Variants in TMX4 observed in about 807,000 individuals in gnomAD.
The protein encoded by TMX4 is thioredoxin-related transmembrane protein 4.
TMX4 carries 23 observed loss-of-function variants against 33.3 expected under a neutral mutation model. The ratio of observed to expected loss-of-function variants is 0.69; its 90% confidence interval spans 0.50 to 0.98. The LOEUF is 0.98. Among genes scored for constraint, TMX4 ranks in the 50% least tolerant of loss-of-function variants. The probability of loss-of-function intolerance (pLI) is 0.00; values close to 1 mark genes in which losing one functional copy is unlikely to be tolerated. For synonymous variants in TMX4, 164 were observed against 161.5 expected, an observed-to-expected ratio of 1.02 and a Z score of -0.12; for missense variants, 399 against 448.9, an observed-to-expected ratio of 0.89 and a Z score of 1.01.
intron 2 of TMX4, among the ~76,000 whole-genome samples, chr20:8,005,783 G>T (rs528030038): frequency 6.6e-6 from 1 of 152,120 alleles, no homozygotes; most frequent in Non-Finnish European, 1.5e-5. Flanking sequence ...CAGAACAACG[G>T]AAAGTTTGGC....
Position 7,981,980 on chromosome 20 carries a change from C to A in TMX4, c.*271G>T. On this transcript the variant is annotated 3_prime_UTR_variant, in exon 8 of 8. Transcript: ENST00000246024. ...TGGGAATGGCCTCCTCTGGTCGAGA[C>A]TCTCTGACCCCTAAGTAAATGAACT... 2.6e-6 allele frequency: 1 copy of A among 378,218 alleles called. No homozygotes were observed. Among genetic ancestry groups the A allele is most frequent in the South Asian group, 4.1e-5 (1 of 24,458 alleles). The allele number at this position is 378,218 out of a possible 1,614,324, so 23.4% of individuals were successfully genotyped here. A position where few individuals can be genotyped will look rare whatever the true frequency, so the allele number is the denominator to read the frequency against.
At chr20:8,007,858 T>C (rs1490299526) in intron 2 of TMX4, among the ~76,000 whole-genome samples, 1 of 152,226 alleles carries the variant, frequency 6.6e-6, no homozygotes, top group Non-Finnish European at 1.5e-5. Flanking sequence ...ATTTTGTACA[T>C]TTTTATCCTA....
chr20:7,996,516 C>G (rs2050677156), intron 4 of TMX4, among the ~76,000 whole-genome samples: 1 of 152,152 alleles, frequency 6.6e-6, no homozygotes, highest in African/African-American at 2.4e-5. Flanking sequence ...ACAAGCACTC[C>G]TCATATGTCA....
At chr20:7,989,003 G>A (rs1429200821) in intron 5 of TMX4, among the ~76,000 whole-genome samples, 1 of 151,262 alleles carries the variant, frequency 6.6e-6, no homozygotes, top group Admixed American at 6.6e-5. Flanking sequence ...CTGGGTGACA[G>A]GGCAAGACTC....
chr20:7,997,048 C>T (rs1330574875), intron 4 of TMX4, among the ~76,000 whole-genome samples: 2 of 152,132 alleles, frequency 1.3e-5, no homozygotes, highest in African/African-American at 4.8e-5. Flanking sequence ...AGACTACGCC[C>T]TTCTTCTTGA....
At chr20:8,008,917 C>T (rs910823434) in intron 2 of TMX4, among the ~76,000 whole-genome samples, 3 of 152,148 alleles carry the variant, frequency 2.0e-5, no homozygotes, top group Non-Finnish European at 4.4e-5. Context: ...AGAAATCTCG[C>T]TCCACGGGTT....
At chr20:8,007,749 A>G (rs1343689755) in intron 2 of TMX4, among the ~76,000 whole-genome samples, 1 of 152,172 alleles carries the variant, frequency 6.6e-6, no homozygotes, top group African/African-American at 2.4e-5. Context: ...TTACTTCCTC[A>G]ATTTATCAAG....
rs2050595821 is a variant in TMX4, at chr20:7,979,526, G to A, written c.*2725C>T. ...AGGCTGAGGCGGGCGGATCACCTGA[G>A]GTCAGGAGTTCAAGACCAGTCTGAC... On this transcript the variant is annotated 3_prime_UTR_variant, in exon 8 of 8. Transcript: ENST00000246024. 1.3e-5 allele frequency: 2 copies of A among 151,796 alleles called. No individual in the cohort carries two copies. The highest frequency in any genetic ancestry group is 4.8e-5 in the African/African-American group (2 of 41,318). 9.4% of individuals were successfully genotyped at this position (151,796 alleles called of 1,614,324 possible).
Position 7,979,796 on chromosome 20 carries a change from T to C in TMX4, c.*2455A>G, listed in dbSNP as rs1184192696. On this transcript the variant is annotated 3_prime_UTR_variant, in exon 8 of 8. Coordinates refer to ENST00000246024, the MANE Select transcript of TMX4 (RefSeq NM_021156.4). ...ATTATATAATTAGATATAGGTCAAA[T>C]ATCCCTTATCCAAAATGTGTGGGAC... is the stretch of plus-strand genomic sequence containing the variant. The C allele has an allele frequency of 6.6e-6, 1 of 151,282 alleles. No homozygotes were observed. Among genetic ancestry groups the C allele is most frequent in the African/African-American group, 2.4e-5 (1 of 41,088 alleles). The allele number at this position is 151,282 out of a possible 1,614,324, so 9.4% of individuals were successfully genotyped here.
rs1226671881 is a variant in TMX4 at position 7,982,078 on chromosome 20, A to G, written c.*173T>C. 1 of 644,008 alleles carries G rather than the reference A, an allele frequency of 1.6e-6. No homozygotes were observed. Among genetic ancestry groups the G allele is most frequent in the East Asian group, 2.8e-5 (1 of 36,208 alleles). 39.9% of individuals were successfully genotyped at this position (644,008 alleles called of 1,614,324 possible). ...TCTATATCCTGATTGTCACACCTGG[A>G]AGACTCTCCTTAGTATACATGAGGC... is the stretch of plus-strand genomic sequence containing the variant. On this transcript the variant is annotated 3_prime_UTR_variant, in exon 8 of 8. Transcript: ENST00000246024.
rs939131877 is a variant in TMX4, at chr20:7,981,976, G to A, written c.*275C>T. 2.0e-5 allele frequency: 7 copies of A among 352,610 alleles called. No individual in the cohort carries two copies. The highest frequency in any genetic ancestry group is 3.1e-5 in the Non-Finnish European group (6 of 194,388). The allele number at this position is 352,610 out of a possible 1,614,324, so 21.8% of individuals were successfully genotyped here. On this transcript the variant is annotated 3_prime_UTR_variant, in exon 8 of 8. Coordinates refer to ENST00000246024, the MANE Select transcript of TMX4 (RefSeq NM_021156.4). ...GGACTGGGAATGGCCTCCTCTGGTCGAGACTCTCTGACCCCTAAGTAAATG... is the reference window on the plus strand; with the variant it reads ...GGACTGGGAATGGCCTCCTCTGGTCAAGACTCTCTGACCCCTAAGTAAATG...
At chr20:7,992,384 A>G (rs1319585805) in intron 5 of TMX4, among the ~76,000 whole-genome samples, 1 of 152,218 alleles carries the variant, frequency 6.6e-6, no homozygotes, top group African/African-American at 2.4e-5. Flanking sequence ...GGTGAGCGCC[A>G]TCATGAGTGA....
At chr20:7,984,991 G>A (rs1434610434) in intron 6 of TMX4, among the ~76,000 whole-genome samples, 1 of 152,054 alleles carries the variant, frequency 6.6e-6, no homozygotes, top group East Asian at 1.9e-4. Flanking sequence ...TATTCTCTAT[G>A]TGGCTAAGAC....
Position 8,018,347 on chromosome 20 carries a change from AGG to A in TMX4, c.176+1089_176+1090del, listed in dbSNP as rs1173349789. Among the ~76,000 whole-genome samples the A allele has an allele frequency of 2.4e-3, 105 of 43,822 alleles. 4 individuals are homozygous for A. Among genetic ancestry groups the A allele is most frequent in the East Asian group, 0.02 (12 of 586 alleles). 28.7% of individuals were successfully genotyped at this position (43,822 alleles called of 152,430 possible). On this transcript the variant is annotated intron_variant, in intron 1 of 7. Coordinates refer to ENST00000246024, the MANE Select transcript of TMX4 (RefSeq NM_021156.4). The stretch of plus-strand genomic sequence containing the variant: ...ACAGAGAGAGAGAGAGAGAGAGAGG[AGG>A]GAGAGAGAGAGAGAGAGAGGAGAGA...
intron 2 of TMX4, among the ~76,000 whole-genome samples, chr20:8,006,662 C>A (rs2050731837): frequency 6.6e-6 from 1 of 152,082 alleles, no homozygotes; most frequent in African/African-American, 2.4e-5. Context: ...TTAAGACAAT[C>A]TTTCTACACT....
chr20:8,018,881 T>C, intron 1 of TMX4: 1 of 316,426 alleles, frequency 3.2e-6, no homozygotes, highest in East Asian at 1.5e-4. Context: ...ATTCTCACAA[T>C]GACATCTCCA....
chr20:8,019,250 G>A (rs1175007206), intron 1 of TMX4, 188 bp downstream of exon 1: 9 of 676,532 alleles, frequency 1.3e-5, no homozygotes, highest in South Asian at 4.4e-5. Flanking sequence ...GCGGACCCCA[G>A]GTCGAGCCCA....
rs753786812 is a variant in TMX4, at chr20:8,010,186, A to G, written c.292+14T>C. 5.0e-6 allele frequency: 8 copies of G among 1,587,344 alleles called. No homozygotes were observed. In the South Asian group the frequency reaches 9.1e-5, roughly 18 times the overall value. On this transcript the variant is annotated intron_variant, in intron 2 of 7. Transcript: ENST00000246024. The stretch of plus-strand genomic sequence containing the variant: ...CGGTAAACTTTTGCATTTTATGTGC[A>G]ACATTCACAGTACCTGGTTCTTGAA...
At chr20:8,005,877 G>T (rs72623513) in intron 2 of TMX4, among the ~76,000 whole-genome samples, 13,312 of 152,084 alleles carry the variant, frequency 0.088, 1,355 homozygotes, top group East Asian at 0.58. Flanking sequence ...CCCCGTTCTG[G>T]CCTCCCCATC....
Sources: allele counts gnomAD v4.1 joint callset (sites outside exome capture counted in the v4.1 genomes callset), GRCh38; gene constraint gnomAD v4.1.1; transcripts MANE v1.5; gene names NCBI Gene and HGNC (gene_info 2026-07-23, HGNC 2026-07-21).